Variants in ATP11C observed in about 807,000 individuals in gnomAD.
The protein encoded by ATP11C is ATPase phospholipid transporting 11C (ATP11C blood group), also known as phospholipid-transporting ATPase IG.
A neutral mutation model predicts 97.4 loss-of-function variants in ATP11C; 36 were observed. That is an observed-to-expected ratio of 0.37 (90% confidence interval 0.28 to 0.49). The LOEUF (loss-of-function observed/expected upper bound fraction) is 0.49. ATP11C is among the 20% of genes least tolerant of loss of function. The pLI, the probability that ATP11C is intolerant of heterozygous loss-of-function variation, is 0.98. For missense variants in ATP11C, 730 were observed against 824.6 expected, an observed-to-expected ratio of 0.89 and a Z score of 1.40; for synonymous variants, 275 against 290.9, an observed-to-expected ratio of 0.95 and a Z score of 0.56.
intron 1 of ATP11C, chrX:139,924,094 G>A: frequency 2.6e-6 from 1 of 377,865 alleles, no homozygotes; most frequent in South Asian, 2.4e-5. Context: ...CAAATGAATG[G>A]GAGCAGTAAC....
chrX:139,823,800 A>C (rs1171601656), intron 2 of ATP11C, among the ~76,000 whole-genome samples: 1 of 112,289 alleles, frequency 8.9e-6, no homozygotes, highest in Admixed American at 9.4e-5. Context: ...AATGCCCGAA[A>C]ACCAAAAATA....
chrX:139,827,411 C>T (rs753350137), intron 1 of ATP11C, among the ~76,000 whole-genome samples: 1 of 111,862 alleles, frequency 8.9e-6, no homozygotes, highest in South Asian at 3.8e-4. Flanking sequence ...TCTCTCAGAG[C>T]CTCATTGTTG....
At chrX:139,931,752 C>G (rs1323144161) in intron 1 of ATP11C, among the ~76,000 whole-genome samples, 1 of 110,880 alleles carries the variant, frequency 9.0e-6, no homozygotes, top group Non-Finnish European at 1.9e-5. Context: ...CCGAAGGCGG[C>G]CCCCAGTTTC....
intron 1 of ATP11C, among the ~76,000 whole-genome samples, chrX:139,853,073 G>A (rs1297083798): frequency 9.0e-6 from 1 of 111,462 alleles, no homozygotes; most frequent in African/African-American, 3.3e-5. Context: ...AGCCTCCTGG[G>A]ACAGGCAAGG....
chrX:139,781,044 C>T (rs771883189), intron 18 of ATP11C, among the ~76,000 whole-genome samples: 19 of 110,954 alleles, frequency 1.7e-4, no homozygotes, highest in African/African-American at 6.2e-4. Flanking sequence ...AACCACATAA[C>T]GAACCTGCAC....
upstream of ATP11C, among the ~76,000 whole-genome samples, chrX:139,933,432 G>A (rs1159706330): frequency 8.9e-6 from 1 of 112,008 alleles, no homozygotes; most frequent in East Asian, 2.8e-4. Flanking sequence ...TACACCCTCG[G>A]CCCCCAGCTT....
intron 23 of ATP11C, among the ~76,000 whole-genome samples, chrX:139,751,392 G>A (rs761841293): frequency 1.8e-4 from 20 of 112,159 alleles, no homozygotes; most frequent in African/African-American, 4.2e-4. Context: ...CACTTCCAAC[G>A]TACTTTCTAT....
chrX:139,770,572 G>A (rs1374933441), intron 19 of ATP11C, among the ~76,000 whole-genome samples: 1 of 110,782 alleles, frequency 9.0e-6, no homozygotes, highest in Non-Finnish European at 1.9e-5. Context: ...TTTCATGCAT[G>A]ATGTACTAGA....
At chrX:139,870,946 C>G (rs914147210) in intron 1 of ATP11C, among the ~76,000 whole-genome samples, 16 of 106,356 alleles carry the variant, frequency 1.5e-4, no homozygotes, top group African/African-American at 5.5e-4. Flanking sequence ...GTCCCAGCTA[C>G]TCGGGAGGCT....
chrX:139,837,493 T>G (rs1030458081), intron 1 of ATP11C, among the ~76,000 whole-genome samples: 1 of 112,446 alleles, frequency 8.9e-6, no homozygotes, highest in African/African-American at 3.2e-5. Context: ...CACTCCAGTT[T>G]GCATTATTAT....
At chrX:139,805,128 T>A (rs1259321940) in intron 5 of ATP11C, among the ~76,000 whole-genome samples, 1 of 111,821 alleles carries the variant, frequency 8.9e-6, no homozygotes, top group East Asian at 2.8e-4. Context: ...TTTGAATTTT[T>A]TTTTTCTATA....
At chrX:139,873,600 T>G (rs1396400187) in intron 1 of ATP11C, among the ~76,000 whole-genome samples, 1 of 103,018 alleles carries the variant, frequency 9.7e-6, no homozygotes, top group Non-Finnish European at 1.9e-5. Context: ...AGCAGCTACT[T>G]AAGAGGCTGA....
chrX:139,899,008 G>A (rs978820422), intron 1 of ATP11C, among the ~76,000 whole-genome samples: 8 of 111,467 alleles, frequency 7.2e-5, no homozygotes, highest in African/African-American at 2.0e-4. Context: ...TTCATCTCTC[G>A]TCTTCCAAAA....
intron 1 of ATP11C, 35 bp from the exon 2 acceptor site, chrX:139,826,858 CATCACATTTG>C: frequency 8.4e-7 from 1 of 1,183,926 alleles, no homozygotes; most frequent in Non-Finnish European, 1.1e-6. Context: ...TTCAGTTTTT[CATCACATTTG>C]TCCACACTTC....
At chrX:139,866,728 C>CA (rs1339463108) in intron 1 of ATP11C, among the ~76,000 whole-genome samples, 68 of 107,146 alleles carry the variant, frequency 6.3e-4, no homozygotes, top group South Asian at 1.7e-3. Context: ...CAAAAACAAA[C>CA]AAAAAAAAAG....
chrX:139,869,612 T>A (rs958701920), intron 1 of ATP11C, among the ~76,000 whole-genome samples: 4 of 63,986 alleles, frequency 6.3e-5, no homozygotes, highest in African/African-American at 6.7e-5. Flanking sequence ...CAAAACCCCC[T>A]CTCTACTAAA....
At chrX:139,772,796 C>G (rs1438432891) in intron 19 of ATP11C, among the ~76,000 whole-genome samples, 2 of 111,803 alleles carry the variant, frequency 1.8e-5, no homozygotes, top group Non-Finnish European at 3.8e-5. Context: ...TAGGAAGTAA[C>G]TAGCTTACTT....
chrX:139,745,734 T>C lies in ATP11C; in HGVS notation c.2952A>G (p.Glu984=). The C allele has an allele frequency of 8.3e-7, 1 of 1,203,741 alleles. No homozygotes were observed. The highest frequency in any genetic ancestry group is 3.0e-5 in the East Asian group (1 of 33,709). ...TYFLFQTASL[E]ENGKVYGNWT... is the part of the protein sequence containing the mutation. ...AGGTTCTTTTTACCTTTCCATTTTCTTCTAGGGATGCAGTCTGAAAAAGAA... is the reference window on the plus strand; with the variant it reads ...AGGTTCTTTTTACCTTTCCATTTTCCTCTAGGGATGCAGTCTGAAAAAGAA... The change falls in exon 25 of 30, where the codon GAA becomes GAG. Residue 984 remains glutamate (E), a synonymous_variant. Coordinates refer to ENST00000682941, the MANE Select transcript of ATP11C (RefSeq NM_001353812.2).
chrX:139,907,181 G>A (rs1290593006), intron 1 of ATP11C, among the ~76,000 whole-genome samples: 1 of 111,396 alleles, frequency 9.0e-6, no homozygotes, highest in African/African-American at 3.3e-5. Context: ...CCACTGGATT[G>A]TCCTCCCAAA....
Sources: allele counts gnomAD v4.1 joint callset (sites outside exome capture counted in the v4.1 genomes callset), GRCh38; gene constraint gnomAD v4.1.1; transcripts MANE v1.5; gene names NCBI Gene and HGNC (gene_info 2026-07-23, HGNC 2026-07-21).